TANC2: variants seen among roughly 807,000 people sequenced by gnomAD.
TANC2 encodes protein TANC2.
TANC2 carries 26 observed loss-of-function variants against 210.5 expected under a neutral mutation model. The observed-to-expected ratio is 0.12, with a 90% CI of 0.09 to 0.17. The LOEUF is 0.17. TANC2 is among the 10% of genes least tolerant of loss of function. TANC2 has a pLI of 1.00. For missense variants in TANC2, 2,129 were observed against 2,608.9 expected (o/e 0.82, Z 4.01); for synonymous variants, 931 against 967.1 (o/e 0.96, Z 0.69).
intron 2 of TANC2, among the ~76,000 whole-genome samples, chr17:63,044,609 A>G (rs1226715478): frequency 1.3e-5 from 2 of 152,280 alleles, no homozygotes; most frequent in Middle Eastern, 3.4e-3. Context: ...AACTATACCT[A>G]GAAATGGACT....
At chr17:63,372,838 C>G (rs2047311201) in intron 14 of TANC2, among the ~76,000 whole-genome samples, 1 of 151,792 alleles carries the variant, frequency 6.6e-6, no homozygotes, top group Non-Finnish European at 1.5e-5. Context: ...CTTCCCTACC[C>G]CATGGCCTTT....
chr17:63,211,911 G>A (rs982616319), intron 7 of TANC2, among the ~76,000 whole-genome samples: 1 of 152,106 alleles, frequency 6.6e-6, no homozygotes, highest in African/African-American at 2.4e-5. Context: ...TTAAGTTCTA[G>A]GGTACATGTG....
intron 2 of TANC2, among the ~76,000 whole-genome samples, chr17:63,065,465 T>A (rs972390610): frequency 6.6e-6 from 1 of 152,254 alleles, no homozygotes; most frequent in Non-Finnish European, 1.5e-5. Flanking sequence ...AGTTTTATTT[T>A]AAAATTTTTA....
intron 7 of TANC2, among the ~76,000 whole-genome samples, chr17:63,203,543 A>G (rs932630796): frequency 2.0e-5 from 3 of 152,220 alleles, no homozygotes; most frequent in African/African-American, 7.2e-5. Flanking sequence ...TCTGATGGTT[A>G]TAAAATTGTC....
At chr17:63,228,283 G>T (rs2042379617) in intron 7 of TANC2, among the ~76,000 whole-genome samples, 1 of 152,088 alleles carries the variant, frequency 6.6e-6, no homozygotes. Flanking sequence ...CTGTTCCATG[G>T]TCTATGTGTC....
intron 11 of TANC2, chr17:63,334,214 C>A (rs2146739481): frequency 6.6e-6 from 1 of 152,170 alleles, no homozygotes; most frequent in South Asian, 2.1e-4. Context: ...ATAAAAAGAA[C>A]AGAGGCTTTT....
intron 7 of TANC2, among the ~76,000 whole-genome samples, chr17:63,228,751 G>A (rs769203727): frequency 1.3e-5 from 2 of 152,050 alleles, no homozygotes; most frequent in African/African-American, 4.8e-5. Context: ...TAGTGTGTAG[G>A]ACTGCTTGTG....
chr17:63,135,505 G>T (rs907258828), intron 4 of TANC2, among the ~76,000 whole-genome samples: 2 of 151,992 alleles, frequency 1.3e-5, no homozygotes, highest in African/African-American at 4.8e-5. Flanking sequence ...ATTTGAAAGA[G>T]AAGTCATCAA....
At chr17:63,351,151 TC>T in intron 12 of TANC2, 98 bp from the exon 13 acceptor site, 2 of 1,090,818 alleles carry the variant, frequency 1.8e-6, no homozygotes, top group Non-Finnish European at 2.6e-6. Flanking sequence ...ACAAGCCTTT[TC>T]TAATATTTTG....
At chr17:63,046,228 C>A (rs922904188) in intron 2 of TANC2, among the ~76,000 whole-genome samples, 1 of 150,446 alleles carries the variant, frequency 6.6e-6, no homozygotes, top group Non-Finnish European at 1.5e-5. Flanking sequence ...GGTGCGATCT[C>A]GGCTCACTGC....
chr17:63,166,753 T>C (rs965909851), intron 5 of TANC2, among the ~76,000 whole-genome samples: 1 of 151,856 alleles, frequency 6.6e-6, no homozygotes, highest in Non-Finnish European at 1.5e-5. Flanking sequence ...CAGTGTTAGA[T>C]CTCCACAGCC....
In TANC2 at chr17:63,319,674, A is replaced by T. The variant is rs141126005; in HGVS notation, c.1575+584A>T. Among the ~76,000 whole-genome samples, 1,299 of 152,362 alleles carry T rather than the reference A, an allele frequency of 8.5e-3. 8 individuals carry two copies. The highest frequency in any genetic ancestry group is 0.017 in the Middle Eastern group (5 of 294). On this transcript the variant is annotated intron_variant, in intron 11 of 27. Transcript: ENST00000689528. ...CCGGAAGTGGTATGTTTTACCCAAC[A>T]TCAGGGTATAAGTAATCAACAGTTT...
At chr17:63,128,922 A>G (rs1241859365) in intron 4 of TANC2, among the ~76,000 whole-genome samples, 1 of 152,216 alleles carries the variant, frequency 6.6e-6, no homozygotes, top group Non-Finnish European at 1.5e-5. Context: ...CTCTCAAACT[A>G]GAGAGCTATG....
At chr17:63,171,033 T>A (rs1283505120) in intron 5 of TANC2, among the ~76,000 whole-genome samples, 1 of 151,794 alleles carries the variant, frequency 6.6e-6, no homozygotes, top group Non-Finnish European at 1.5e-5. Context: ...GAGAATATAG[T>A]CTACTTCATC....
At chr17:62,994,960 A>G (rs745822876) in intron 1 of TANC2, among the ~76,000 whole-genome samples, 13 of 152,256 alleles carry the variant, frequency 8.5e-5, no homozygotes, top group Non-Finnish European at 1.3e-4. Context: ...AACAAAGGCT[A>G]CAAAGCTGAT....
At chr17:63,312,734 T>C (rs2045170488) in intron 9 of TANC2, among the ~76,000 whole-genome samples, 1 of 152,080 alleles carries the variant, frequency 6.6e-6, no homozygotes, top group Admixed American at 6.6e-5. Flanking sequence ...AAAGTTGAAA[T>C]TATTAATAAA....
intron 11 of TANC2, among the ~76,000 whole-genome samples, chr17:63,330,867 G>A (rs2045817031): frequency 6.6e-6 from 1 of 152,184 alleles, no homozygotes; most frequent in Non-Finnish European, 1.5e-5. Context: ...CCTGAGGTCA[G>A]GAGTTCGAGA....
intron 2 of TANC2, among the ~76,000 whole-genome samples, chr17:63,020,814 C>T (rs1484522503): frequency 6.6e-6 from 1 of 152,146 alleles, no homozygotes; most frequent in African/African-American, 2.4e-5. Context: ...GTGCAAGAAG[C>T]ATAGCACTGG....
chr17:63,294,680 G>T (rs914818035), intron 9 of TANC2, among the ~76,000 whole-genome samples: 3 of 152,168 alleles, frequency 2.0e-5, no homozygotes, highest in African/African-American at 4.8e-5. Flanking sequence ...TATCACATCT[G>T]TTCATCTACC....
Sources: allele counts gnomAD v4.1 joint callset (sites outside exome capture counted in the v4.1 genomes callset), GRCh38; gene constraint gnomAD v4.1.1; transcripts MANE v1.5; gene names NCBI Gene and HGNC (gene_info 2026-07-23, HGNC 2026-07-21).